Variants in NCOA1 observed in about 807,000 individuals in gnomAD.
The protein encoded by NCOA1 is Hin-2 protein.
A neutral mutation model predicts 150.9 loss-of-function variants in NCOA1; 35 were observed. The observed-to-expected ratio is 0.23, with a 90% CI of 0.18 to 0.31. NCOA1 has a LOEUF of 0.31. NCOA1 is among the 10% of genes least tolerant of loss of function. NCOA1 has a pLI of 1.00. For missense variants in NCOA1, 1,491 were observed against 1,749.3 expected (o/e 0.85, Z 2.63); for synonymous variants, 590 against 630.0 (o/e 0.94, Z 0.95).
intron 1 of NCOA1, among the ~76,000 whole-genome samples, chr2:24,541,059 G>A (rs750381173): frequency 6.6e-6 from 1 of 152,106 alleles, no homozygotes; most frequent in Non-Finnish European, 1.5e-5. Flanking sequence ...ACAACCACAC[G>A]AAAAAGTGTT....
At chr2:24,517,505 T>A (rs1664252660) in intron 1 of NCOA1, among the ~76,000 whole-genome samples, 1 of 152,148 alleles carries the variant, frequency 6.6e-6, no homozygotes, top group South Asian at 2.1e-4. Flanking sequence ...GAGAACCGTT[T>A]CACACTGACA....
intron 7 of NCOA1, among the ~76,000 whole-genome samples, chr2:24,674,507 A>G (rs1279510152): frequency 6.6e-6 from 1 of 151,922 alleles, no homozygotes; most frequent in Non-Finnish European, 1.5e-5. Context: ...CGCCCGGCCT[A>G]TTTCTCTTTT....
chr2:24,610,558 T>G (rs886524079), intron 3 of NCOA1, among the ~76,000 whole-genome samples: 2 of 152,094 alleles, frequency 1.3e-5, no homozygotes, highest in Non-Finnish European at 2.9e-5. Flanking sequence ...TAGTTCTGTT[T>G]GGTTATTTTT....
At chr2:24,649,726 A>T (rs1278422346) in intron 4 of NCOA1, among the ~76,000 whole-genome samples, 1 of 152,162 alleles carries the variant, frequency 6.6e-6, no homozygotes. Flanking sequence ...TCCTTTTTCT[A>T]TGTATTTGTT....
chr2:24,544,450 A>G (rs975529266), intron 1 of NCOA1, among the ~76,000 whole-genome samples: 4 of 152,176 alleles, frequency 2.6e-5, no homozygotes, highest in Non-Finnish European at 1.5e-5. Flanking sequence ...TGCTTCTAAA[A>G]TGAGGATTCT....
At chr2:24,708,125 A>G (rs1673550992) in intron 13 of NCOA1, among the ~76,000 whole-genome samples, 1 of 152,216 alleles carries the variant, frequency 6.6e-6, no homozygotes, top group African/African-American at 2.4e-5. Flanking sequence ...TTCTTTCTCT[A>G]TAAAATCAGT....
intron 1 of NCOA1, among the ~76,000 whole-genome samples, chr2:24,524,414 C>T (rs1453396751): frequency 6.6e-6 from 1 of 152,156 alleles, no homozygotes; most frequent in Non-Finnish European, 1.5e-5. Context: ...CCACCTCAGC[C>T]TCCTGAGTAG....
intron 3 of NCOA1, among the ~76,000 whole-genome samples, chr2:24,621,892 C>A (rs1280428865): frequency 6.6e-6 from 1 of 152,182 alleles, no homozygotes; most frequent in Non-Finnish European, 1.5e-5. Flanking sequence ...TTGATACATG[C>A]CTTTGTCTCA....
chr2:24,520,182 G>A (rs917272993), intron 1 of NCOA1, among the ~76,000 whole-genome samples: 1 of 152,120 alleles, frequency 6.6e-6, no homozygotes, highest in African/African-American at 2.4e-5. Context: ...TTGGAAAATA[G>A]CTTGACAATT....
rs1477331080 is a variant in NCOA1, at chr2:24,560,286, TCAGA to T, written c.-395-4005_-395-4002del. Among the ~76,000 whole-genome samples the T allele has an allele frequency of 2.6e-5, 4 of 151,968 alleles. No homozygotes were observed. In the East Asian group the frequency reaches 7.7e-4, roughly 29 times the overall value. On this transcript the variant is annotated intron_variant, in intron 1 of 22. Transcript: ENST00000348332. The stretch of plus-strand genomic sequence containing the variant: ...TTCTTTTTCTGTGACCTGCCAGAGG[TCAGA>T]CAGTTTGTGTGTAGTCTTTCCTTGG...
At chr2:24,684,226 A>G (rs1572588397) in intron 8 of NCOA1, among the ~76,000 whole-genome samples, 1 of 152,192 alleles carries the variant, frequency 6.6e-6, no homozygotes, top group Admixed American at 6.5e-5. Flanking sequence ...TGGTGTATGG[A>G]TTGAACTGAG....
chr2:24,539,132 T>TC (rs1273511237), intron 1 of NCOA1, among the ~76,000 whole-genome samples: 1 of 143,958 alleles, frequency 6.9e-6, no homozygotes, highest in East Asian at 2.2e-4. Flanking sequence ...GGTGAGTTTT[T>TC]TCCCCCCCAT....
intron 11 of NCOA1, among the ~76,000 whole-genome samples, chr2:24,698,983 C>G (rs1673030376): frequency 6.6e-6 from 1 of 152,128 alleles, no homozygotes; most frequent in African/African-American, 2.4e-5. Flanking sequence ...TAGACTTATA[C>G]CACCTCCTAA....
chr2:24,665,812 T>G lies in NCOA1; in HGVS notation c.153T>G (p.Ser51=). The G allele has an allele frequency of 6.2e-7, 1 of 1,605,626 alleles. No individual in the cohort carries two copies. The highest frequency in any genetic ancestry group is 8.5e-7 in the Non-Finnish European group (1 of 1,175,732). Residue 51 remains serine, a synonymous_variant, in exon 6 of 23, where the codon TCT becomes TCG. Coordinates refer to ENST00000348332, the MANE Select transcript of NCOA1 (RefSeq NM_003743.5). ...KYLEELAELL[S]ANISDIDSLS... is the part of the protein sequence containing the mutation. Reference sequence around the variant, plus strand: ...TAGAAGAACTAGCTGAGTTACTGTCTGCCAACATTAGTGACATTGACAGCT... The same window carrying G: ...TAGAAGAACTAGCTGAGTTACTGTCGGCCAACATTAGTGACATTGACAGCT...
Position 24,570,276 on chromosome 2 carries a change from T to G in NCOA1, c.-260+5846T>G, listed in dbSNP as rs965037293. Among the ~76,000 whole-genome samples the G allele has an allele frequency of 3.9e-5, 6 of 152,286 alleles. No individual in the cohort carries two copies. The South Asian group carries it at 1.0e-3, about 26-fold the overall frequency. On this transcript the variant is annotated intron_variant, in intron 2 of 22. Coordinates refer to ENST00000348332, the MANE Select transcript of NCOA1 (RefSeq NM_003743.5). ...GTTTATGGTTCAATCTGATTCCAGATGTGGGTGTTTGAACATCTTGCAGTG... is the reference window on the plus strand; with the variant it reads ...GTTTATGGTTCAATCTGATTCCAGAGGTGGGTGTTTGAACATCTTGCAGTG...
chr2:24,732,299 G>C (rs1387188285), intron 17 of NCOA1, among the ~76,000 whole-genome samples: 1 of 150,654 alleles, frequency 6.6e-6, no homozygotes, highest in Non-Finnish European at 1.5e-5. Flanking sequence ...TAACCTAACA[G>C]AGTAAAGTAT....
At chr2:24,548,394 C>T (rs1180562171) in intron 1 of NCOA1, among the ~76,000 whole-genome samples, 6 of 152,240 alleles carry the variant, frequency 3.9e-5, no homozygotes, top group South Asian at 4.1e-4. Context: ...TTTCCCACAA[C>T]GTGGGAATTC....
chr2:24,669,703 C>G (rs1671597843), intron 6 of NCOA1, among the ~76,000 whole-genome samples: 2 of 151,942 alleles, frequency 1.3e-5, no homozygotes, highest in African/African-American at 4.8e-5. Flanking sequence ...AAATAAAGAC[C>G]CTGAATAGAC....
intron 14 of NCOA1, among the ~76,000 whole-genome samples, chr2:24,713,428 T>A (rs1284030148): frequency 6.6e-6 from 1 of 152,138 alleles, no homozygotes; most frequent in Non-Finnish European, 1.5e-5. Context: ...CATATCATTC[T>A]GGAACATGAG....
Sources: allele counts gnomAD v4.1 joint callset (sites outside exome capture counted in the v4.1 genomes callset), GRCh38; gene constraint gnomAD v4.1.1; transcripts MANE v1.5; gene names NCBI Gene and HGNC (gene_info 2026-07-23, HGNC 2026-07-21).